The following TTC27 variants were observed in gnomAD, a reference collection of about 807,000 sequenced individuals.
The protein encoded by TTC27 is tetratricopeptide repeat protein 27.
TTC27 carries 79 observed loss-of-function variants against 115.9 expected under a neutral mutation model. That is an observed-to-expected ratio of 0.68 (90% CI 0.57 to 0.82). The LOEUF is 0.82. Among genes scored for constraint, TTC27 ranks in the 40% least tolerant of loss-of-function variants. TTC27 has a pLI of 0.00. For missense variants in TTC27, 1,054 were observed against 993.1 expected, an observed-to-expected ratio of 1.06 and a Z score of -0.82; for synonymous variants, 401 against 356.0, an observed-to-expected ratio of 1.13 and a Z score of -1.42.
intron 9 of TTC27, among the ~76,000 whole-genome samples, chr2:32,688,958 A>G (rs898069337): frequency 6.6e-6 from 1 of 152,074 alleles, no homozygotes; most frequent in Non-Finnish European, 1.5e-5. Context: ...ACTGGAAACA[A>G]CCCAAATGTC....
At chr2:32,632,474 T>C (rs996143087) in intron 2 of TTC27, among the ~76,000 whole-genome samples, 4 of 152,226 alleles carry the variant, frequency 2.6e-5, no homozygotes, top group African/African-American at 9.6e-5. Flanking sequence ...TTTTCAGACA[T>C]TTGAAAGTTA....
At position 32,796,979 on chromosome 2, in the gene TTC27, C is replaced by A. The variant is rs1454856774; in HGVS notation, c.1998+9830C>A. Reference sequence around the variant, plus strand: ...CCTGAGGTCAGGACTTCGAGACCAGCCTGGCCAACATGGTGAAACCCCATC... The same window carrying A: ...CCTGAGGTCAGGACTTCGAGACCAGACTGGCCAACATGGTGAAACCCCATC... On this transcript the variant is annotated intron_variant, in intron 16 of 19. Transcript: ENST00000317907. Among the ~76,000 whole-genome samples, 3 of 151,552 alleles carry A rather than the reference C, an allele frequency of 2.0e-5. No homozygotes were observed. In the East Asian group the frequency reaches 5.8e-4, roughly 29 times the overall value.
At chr2:32,695,323 CCTGTAAT>C in intron 9 of TTC27, among the ~76,000 whole-genome samples, 1 of 152,202 alleles carries the variant, frequency 6.6e-6, no homozygotes, top group South Asian at 2.1e-4. Context: ...GTGACTTATG[CCTGTAAT>C]CTCAACACTT....
chr2:32,749,818 T>A (rs1373495743), intron 12 of TTC27, among the ~76,000 whole-genome samples: 2 of 152,148 alleles, frequency 1.3e-5, no homozygotes, highest in Admixed American at 1.3e-4. Context: ...AGGGATTACA[T>A]GAGATCATGC....
chr2:32,646,326 C>T (rs1664858347), intron 4 of TTC27, among the ~76,000 whole-genome samples: 1 of 152,036 alleles, frequency 6.6e-6, no homozygotes, highest in South Asian at 2.1e-4. Flanking sequence ...CCATGCCTGG[C>T]TCAATTTTTT....
intron 9 of TTC27, among the ~76,000 whole-genome samples, chr2:32,689,420 C>T (rs184287795): frequency 2.6e-5 from 4 of 152,118 alleles, no homozygotes; most frequent in Admixed American, 1.3e-4. Flanking sequence ...TATTCTATGC[C>T]ACCAGTTTCA....
chr2:32,652,326 G>T (rs1220493045), intron 5 of TTC27, among the ~76,000 whole-genome samples: 2 of 151,984 alleles, frequency 1.3e-5, no homozygotes, highest in Non-Finnish European at 2.9e-5. Context: ...AGCTGAGATC[G>T]CGTCATTGCA....
At chr2:32,747,984 CCTTT>C (rs1308420229) in intron 12 of TTC27, among the ~76,000 whole-genome samples, 1 of 151,216 alleles carries the variant, frequency 6.6e-6, no homozygotes, top group Admixed American at 6.6e-5. Context: ...ATTTTTATTT[CCTTT>C]CTTCTCCTTG....
chr2:32,692,867 T>G (rs1666862571), intron 9 of TTC27, among the ~76,000 whole-genome samples: 1 of 151,840 alleles, frequency 6.6e-6, no homozygotes, highest in Admixed American at 6.6e-5. Context: ...TCCCAGCTAC[T>G]TGGGAGGCTG....
intron 10 of TTC27, among the ~76,000 whole-genome samples, chr2:32,717,045 C>G (rs1389044013): frequency 1.3e-5 from 2 of 150,440 alleles, no homozygotes; most frequent in Non-Finnish European, 3.0e-5. Flanking sequence ...ACTCTGTCAC[C>G]CAGGCTGGAG....
chr2:32,820,740 T>C (rs1671670518), intron 19 of TTC27, 76 bp from the exon 20 acceptor site: 2 of 1,362,072 alleles, frequency 1.5e-6, no homozygotes, highest in Admixed American at 2.6e-5. Context: ...GTTTTTTAAC[T>C]CTATACTCTG....
chr2:32,787,066 A>G lies in TTC27; in HGVS notation c.1915A>G (p.Ser639Gly). ...WQIWENYILT[S>G]TDVGEFSEAI... ...GATTTGGGAAAACTACATCCTCACC[A>G]GCACTGACGTTGGGGAATTTTCAGA... Residue 639 changes from serine (S) to glycine (G), a missense_variant, in exon 16 of 20, where the codon AGC becomes GGC. Physicochemically the swap from Ser to Gly is moderately conservative, Grantham distance 56. Transcript: ENST00000317907. The G allele has an allele frequency of 6.2e-7, 1 of 1,614,160 alleles. No individual in the cohort carries two copies. The highest frequency in any genetic ancestry group is 8.5e-7 in the Non-Finnish European group (1 of 1,180,016).
At chr2:32,775,968 C>A (rs935853800) in intron 13 of TTC27, among the ~76,000 whole-genome samples, 3 of 152,162 alleles carry the variant, frequency 2.0e-5, no homozygotes, top group African/African-American at 7.2e-5. Flanking sequence ...AAGCTCTTTT[C>A]ATTTAATTTT....
At chr2:32,725,308 C>T (rs1423710316) in intron 10 of TTC27, among the ~76,000 whole-genome samples, 1 of 152,176 alleles carries the variant, frequency 6.6e-6, no homozygotes, top group Non-Finnish European at 1.5e-5. Context: ...CAAGGCAAGT[C>T]CCTTCTGCCT....
chr2:32,664,275 T>A (rs1263665496), intron 5 of TTC27, 28 bp from the exon 6 acceptor site: 2 of 1,571,214 alleles, frequency 1.3e-6, no homozygotes, highest in Non-Finnish European at 1.7e-6. Flanking sequence ...TCATCATAAC[T>A]TTTAATGTTT....
intron 16 of TTC27, among the ~76,000 whole-genome samples, chr2:32,802,274 C>T (rs1670975916): frequency 1.3e-5 from 2 of 151,966 alleles, no homozygotes; most frequent in South Asian, 4.1e-4. Flanking sequence ...TCACTAAATG[C>T]ATTTATTTAG....
At chr2:32,795,706 C>A (rs1204797933) in intron 16 of TTC27, among the ~76,000 whole-genome samples, 1 of 114,280 alleles carries the variant, frequency 8.8e-6, no homozygotes, top group African/African-American at 3.4e-5. Context: ...GCACATGTCA[C>A]CATGCCCGGC....
chr2:32,798,488 G>A (rs1481851794), intron 16 of TTC27, among the ~76,000 whole-genome samples: 1 of 151,920 alleles, frequency 6.6e-6, no homozygotes, highest in Non-Finnish European at 1.5e-5. Flanking sequence ...CGGATCACGA[G>A]GTCAGGAGAT....
At chr2:32,771,180 T>C (rs577692778) in intron 13 of TTC27, among the ~76,000 whole-genome samples, 1 of 152,314 alleles carries the variant, frequency 6.6e-6, no homozygotes, top group South Asian at 2.1e-4. Context: ...TTTTAAATAA[T>C]GGAGTTTATA....
Sources: gnomAD v4.1 joint callset for allele counts (sites outside exome capture counted in the v4.1 genomes callset) on GRCh38, gnomAD v4.1.1 for gene constraint, MANE v1.5 for transcripts, NCBI Gene and HGNC (gene_info 2026-07-23, HGNC 2026-07-21) for gene names.